CCNK: variants seen among roughly 807,000 people sequenced by gnomAD.
CCNK encodes cyclin K.
CCNK carries 9 observed loss-of-function variants against 65.0 expected under a neutral mutation model. The ratio of observed to expected loss-of-function variants is 0.14; its 90% confidence interval spans 0.08 to 0.24. The LOEUF is 0.24. CCNK is among the 10% of genes least tolerant of loss of function. The pLI, the probability that CCNK is intolerant of heterozygous loss-of-function variation, is 1.00. For synonymous variants in CCNK, 279 were observed against 270.8 expected (o/e 1.03, Z -0.30); for missense variants, 474 against 720.0 (o/e 0.66, Z 3.91).
At position 99,492,891 on chromosome 14, in the gene CCNK, T is replaced by C; in HGVS notation, c.197+17T>C. 1 of 1,562,788 alleles carries C rather than the reference T, an allele frequency of 6.4e-7. No homozygotes were observed. Among genetic ancestry groups the C allele is most frequent in the Non-Finnish European group, 8.6e-7 (1 of 1,162,956 alleles). The stretch of plus-strand genomic sequence containing the variant: ...TTTGGGGCTGTATCCTGACTCTCCT[T>C]GGAATCTGTTACAGATAGGCTCCCC... On this transcript the variant is annotated intron_variant, in intron 2 of 10. Coordinates refer to ENST00000389879, the MANE Select transcript of CCNK (RefSeq NM_001099402.2).
At chr14:99,507,012 T>A (rs1896991532) in intron 9 of CCNK, 64 bp from the exon 10 acceptor site, 1 of 985,418 alleles carries the variant, frequency 1.0e-6, no homozygotes, top group Admixed American at 1.7e-5. Flanking sequence ...TACATTTTTC[T>A]TTATGACATG....
intron 1 of CCNK, among the ~76,000 whole-genome samples, chr14:99,485,725 T>A (rs891480931): frequency 2.6e-5 from 4 of 152,188 alleles, no homozygotes; most frequent in Non-Finnish European, 5.9e-5. Context: ...CCAGGCACGG[T>A]GGCTTATGCC....
At chr14:99,500,612 A>G in intron 4 of CCNK, 154 bp from the exon 5 acceptor site, 2 of 625,736 alleles carry the variant, frequency 3.2e-6, no homozygotes, top group Non-Finnish European at 5.7e-6. Flanking sequence ...GTCTCTGAGC[A>G]TGTTAAAAGT....
chr14:99,509,073 A>T (rs1317101634), intron 10 of CCNK: 2 of 152,222 alleles, frequency 1.3e-5, no homozygotes, highest in Admixed American at 1.3e-4. Context: ...AATCCTGCTC[A>T]TGCTCGCTTT....
chr14:99,510,046 C>T (rs993420732), intron 10 of CCNK, 111 bp from the exon 11 acceptor site: 8 of 1,076,492 alleles, frequency 7.4e-6, no homozygotes, highest in Middle Eastern at 6.2e-4. Flanking sequence ...ACAGAGGAGG[C>T]GGGCAGCTGC....
rs534087928 is a variant in CCNK at position 99,493,766 on chromosome 14, A to G, written c.279+171A>G. ...AGTTTGAACTTTTTTTATTCCAATT[A>G]GCCATGTTCAAATCTTTTCACTTAG... is the stretch of plus-strand genomic sequence containing the variant. On this transcript the variant is annotated intron_variant, in intron 3 of 10. Coordinates refer to ENST00000389879, the MANE Select transcript of CCNK (RefSeq NM_001099402.2). Among the ~76,000 whole-genome samples the G allele has an allele frequency of 2.6e-5, 4 of 152,314 alleles. No individual in the cohort carries two copies. The South Asian group carries it at 8.3e-4, about 32-fold the overall frequency.
In CCNK at chr14:99,511,884, G is replaced by A. The variant is rs1170789932; in HGVS notation, c.*1102G>A. The A allele has an allele frequency of 2.6e-5, 4 of 152,490 alleles. No homozygotes were observed. The highest frequency in any genetic ancestry group is 3.9e-4 in the East Asian group (2 of 5,160). The allele number at this position is 152,490 out of a possible 1,614,324, so 9.4% of individuals were successfully genotyped here. Reference sequence around the variant, plus strand: ...AGACAGAGGCAGCTGGAGGAGCAGCGGCCTCACTGTCCACCTTGAGGGGCC... The same window carrying A: ...AGACAGAGGCAGCTGGAGGAGCAGCAGCCTCACTGTCCACCTTGAGGGGCC... On this transcript the variant is annotated 3_prime_UTR_variant, in exon 11 of 11. Transcript: ENST00000389879.
At chr14:99,487,337 T>G (rs1425789671) in intron 1 of CCNK, among the ~76,000 whole-genome samples, 1 of 152,168 alleles carries the variant, frequency 6.6e-6, no homozygotes, top group Non-Finnish European at 1.5e-5. Context: ...GACCAGATAA[T>G]TTCTTGTCAT....
rs564448626 is a variant in CCNK, at chr14:99,503,110, C to A, written c.1011+126C>A. On this transcript the variant is annotated intron_variant, in intron 8 of 10. Coordinates refer to ENST00000389879, the MANE Select transcript of CCNK (RefSeq NM_001099402.2). ...AGCAGGGGGTGTTCGCCGAAACTCG[C>A]AGTCCGACTGCTTGTCGGTGGGGAG... The A allele has an allele frequency of 3.6e-5, 39 of 1,084,538 alleles. No homozygotes were observed. In the African/African-American group the frequency reaches 5.4e-4, roughly 15 times the overall value. 67.2% of individuals were successfully genotyped at this position (1,084,538 alleles called of 1,614,324 possible).
At chr14:99,485,465 CAG>C (rs1003223963) in intron 1 of CCNK, among the ~76,000 whole-genome samples, 1 of 152,174 alleles carries the variant, frequency 6.6e-6, no homozygotes, top group Non-Finnish European at 1.5e-5. Flanking sequence ...CTTCCATTCT[CAG>C]GGGAAGAAAG....
intron 1 of CCNK, among the ~76,000 whole-genome samples, chr14:99,486,737 C>T (rs1218178281): frequency 6.6e-6 from 1 of 152,182 alleles, no homozygotes; most frequent in Non-Finnish European, 1.5e-5. Flanking sequence ...GACACACACA[C>T]CCCTTGTTCC....
At chr14:99,481,527 C>T (rs2139840070) in intron 1 of CCNK, 48 bp downstream of exon 1, 1 of 398,646 alleles carries the variant, frequency 2.5e-6, no homozygotes, top group Non-Finnish European at 4.4e-6. Flanking sequence ...TCCCGCGTAT[C>T]TGGAGGTCGG....
At position 99,481,432 on chromosome 14, in the gene CCNK, G is replaced by T; in HGVS notation, c.-100G>T. On this transcript the variant is annotated 5_prime_UTR_variant, in exon 1 of 11. Coordinates refer to ENST00000389879, the MANE Select transcript of CCNK (RefSeq NM_001099402.2). The stretch of plus-strand genomic sequence containing the variant: ...CCGACATTCCATATACAAGATGGCC[G>T]CAGTCGGCAAGGAGAGACGTCGCTG... 2 of 398,712 alleles carry T rather than the reference G, an allele frequency of 5.0e-6. No individual in the cohort carries two copies. Among genetic ancestry groups the T allele is most frequent in the East Asian group, 7.1e-5 (2 of 28,078 alleles). The allele number at this position is 398,712 out of a possible 1,614,324, so 24.7% of individuals were successfully genotyped here.
At chr14:99,502,670 T>G in intron 7 of CCNK, 49 bp from the exon 8 acceptor site, 1 of 1,563,886 alleles carries the variant, frequency 6.4e-7, no homozygotes, top group Non-Finnish European at 8.8e-7. Context: ...GGTAAAATTT[T>G]ATTTAAAATA....
Position 99,510,141 on chromosome 14 carries a change from C to T in CCNK, c.1118-16C>T, listed in dbSNP as rs200683291. ...TGCTGGCGGAGGCCGGGCACTGATGCGTCTCTCTCCTGCAGACCGGAAGCC... is the reference window on the plus strand; with the variant it reads ...TGCTGGCGGAGGCCGGGCACTGATGTGTCTCTCTCCTGCAGACCGGAAGCC... On this transcript the variant is annotated splice_polypyrimidine_tract_variant and intron_variant, in intron 10 of 10. Transcript: ENST00000389879. 29 of 1,587,162 alleles carry T rather than the reference C, an allele frequency of 1.8e-5. No individual in the cohort carries two copies. The East Asian group carries it at 4.1e-4, about 22-fold the overall frequency.
At chr14:99,484,119 A>ACAAAAGT (rs1896424447) in intron 1 of CCNK, among the ~76,000 whole-genome samples, 2 of 152,258 alleles carry the variant, frequency 1.3e-5, no homozygotes, top group Non-Finnish European at 2.9e-5. Flanking sequence ...AAGTGGTTCT[A>ACAAAAGT]GGATGTAACA....
At chr14:99,499,189 C>T (rs1406545325) in intron 4 of CCNK, among the ~76,000 whole-genome samples, 5 of 152,146 alleles carry the variant, frequency 3.3e-5, no homozygotes, top group Non-Finnish European at 5.9e-5. Context: ...AGGCGCCTGC[C>T]ACCATGATTG....
chr14:99,485,213 A>C (rs1394197330), intron 1 of CCNK, among the ~76,000 whole-genome samples: 1 of 152,224 alleles, frequency 6.6e-6, no homozygotes, highest in African/African-American at 2.4e-5. Context: ...GAGTTTGGCC[A>C]GTTACAGAAG....
At chr14:99,504,114 T>G in intron 9 of CCNK, 1 of 362,030 alleles carries the variant, frequency 2.8e-6, no homozygotes. Flanking sequence ...TGAGGTGCTG[T>G]CACATGTCTA....
Sources: gnomAD v4.1 joint callset for allele counts (sites outside exome capture counted in the v4.1 genomes callset) on GRCh38, gnomAD v4.1.1 for gene constraint, MANE v1.5 for transcripts, NCBI Gene and HGNC (gene_info 2026-07-23, HGNC 2026-07-21) for gene names.